The following SEMA4B variants were observed in gnomAD, a reference collection of about 807,000 sequenced individuals.
The protein encoded by SEMA4B is semaphorin 4B.
A neutral mutation model predicts 88.1 loss-of-function variants in SEMA4B; 55 were observed. The observed-to-expected ratio is 0.62, with a 90% CI of 0.50 to 0.78. The LOEUF (loss-of-function observed/expected upper bound fraction) is 0.78, where lower values mean the gene tolerates loss of function less well. Among genes scored for constraint, SEMA4B ranks in the 30% least tolerant of loss-of-function variants. The pLI is 0.00. For synonymous variants in SEMA4B, 525 were observed against 473.6 expected, an observed-to-expected ratio of 1.11 and a Z score of -1.41; for missense variants, 1,062 against 1,111.9, an observed-to-expected ratio of 0.96 and a Z score of 0.64.
intron 1 of SEMA4B, among the ~76,000 whole-genome samples, chr15:90,215,207 AGTGT>A (rs771618669): frequency 1.4e-5 from 2 of 141,590 alleles, no homozygotes; most frequent in South Asian, 2.2e-4. Flanking sequence ...CTGGTGGGTA[AGTGT>A]GTGTGTGTTT....
Position 90,224,004 on chromosome 15 carries a change from C to A in SEMA4B, c.1194+16C>A. 6.2e-7 allele frequency: 1 copy of A among 1,600,940 alleles called. No homozygotes were observed. Among genetic ancestry groups the A allele is most frequent in the Non-Finnish European group, 8.5e-7 (1 of 1,171,646 alleles). On this transcript the variant is annotated intron_variant, in intron 9 of 13. Transcript: ENST00000411539. Reference sequence around the variant, plus strand: ...GCCTGGAGCGGTGGGTACTGGCTCCCTGCACCCAGAAGGGGTGCCGGGAAG... The same window carrying A: ...GCCTGGAGCGGTGGGTACTGGCTCCATGCACCCAGAAGGGGTGCCGGGAAG...
chr15:90,188,136 T>C lies in SEMA4B; in HGVS notation c.-122+3055T>C, dbSNP rs191980300. On this transcript the variant is annotated intron_variant, in intron 1 of 14. Coordinates refer to the SEMA4B transcript ENST00000332496. ...GAGTTCGAGACCAGCCTGGGCAACA[T>C]GGTGAAACTCAGTCTCTACAAAAAA... Among the ~76,000 whole-genome samples, 249 of 151,050 alleles carry C rather than the reference T, an allele frequency of 1.6e-3. 1 individual carries two copies. Among genetic ancestry groups the C allele is most frequent in the Non-Finnish European group, 3.1e-3 (209 of 67,862 alleles).
At chr15:90,214,242 G>A (rs1165094262) in intron 1 of SEMA4B, among the ~76,000 whole-genome samples, 1 of 151,946 alleles carries the variant, frequency 6.6e-6, no homozygotes, top group Non-Finnish European at 1.5e-5. Flanking sequence ...TTCTTGGGAG[G>A]CTGAGGCAGG....
At chr15:90,225,529 T>C (rs955370002) in intron 11 of SEMA4B, 132 bp downstream of exon 11, 1 of 1,290,902 alleles carries the variant, frequency 7.7e-7, no homozygotes, top group Non-Finnish European at 1.1e-6. Flanking sequence ...TCATGAACTA[T>C]TAGAAAGTGG....
intron 1 of SEMA4B, among the ~76,000 whole-genome samples, chr15:90,185,637 C>T (rs1253717672): frequency 2.0e-5 from 3 of 152,144 alleles, no homozygotes; most frequent in African/African-American, 7.2e-5. Context: ...AAATCTCTGC[C>T]CACATTTCCT....
intron 1 of SEMA4B, among the ~76,000 whole-genome samples, chr15:90,208,495 A>G (rs1161628039): frequency 6.6e-6 from 1 of 152,104 alleles, no homozygotes; most frequent in East Asian, 1.9e-4. Context: ...TTGATTATTG[A>G]TGGTCACTGA....
chr15:90,226,180 T>C (rs1200259822), intron 12 of SEMA4B, among the ~76,000 whole-genome samples: 1 of 152,128 alleles, frequency 6.6e-6, no homozygotes, highest in Non-Finnish European at 1.5e-5. Flanking sequence ...AATAACCTAT[T>C]TGGATTATAA....
rs1173428621 is a variant in SEMA4B, at chr15:90,217,702, G to T, written c.322-65G>T. ...TCTGGGTCCAAGGATGATGCCTATG[G>T]GAGAGGAGGGAGGCTCAGCAAACCC... is the stretch of plus-strand genomic sequence containing the variant. On this transcript the variant is annotated intron_variant, in intron 2 of 13. Transcript: ENST00000411539. 3.1e-6 allele frequency: 5 copies of T among 1,602,138 alleles called. No individual in the cohort carries two copies. In the Admixed American group the frequency reaches 6.7e-5, roughly 21 times the overall value.
chr15:90,200,149 C>T (rs1596124776), upstream of SEMA4B, among the ~76,000 whole-genome samples: 1 of 152,284 alleles, frequency 6.6e-6, no homozygotes, highest in East Asian at 1.9e-4. Flanking sequence ...GGTGCTGTGC[C>T]CACCCTCTTG....
rs776318239 is a variant in SEMA4B at position 90,212,342 on chromosome 15, C to T, written c.158-5097C>T. 5.3e-5 allele frequency among the ~76,000 whole-genome samples: 8 copies of T among 152,108 alleles called. No homozygotes were observed. Among genetic ancestry groups the T allele is most frequent in the Non-Finnish European group, 1.0e-4 (7 of 68,018 alleles). On this transcript the variant is annotated intron_variant, in intron 1 of 13. Coordinates refer to ENST00000411539, the MANE Select transcript of SEMA4B (RefSeq NM_198925.4). The surrounding 1 kb of genome is among the most constrained non-coding windows in gnomAD (Gnocchi z 4.0). Reference sequence around the variant, plus strand: ...GGTGAAGCCCCTGGCTGAAGCCTGTCGGGGTGGAGGGAGAGGGTTCACCCT... The same window carrying T: ...GGTGAAGCCCCTGGCTGAAGCCTGTTGGGGTGGAGGGAGAGGGTTCACCCT...
intron 1 of SEMA4B, among the ~76,000 whole-genome samples, chr15:90,194,801 C>T (rs1277418587): frequency 1.3e-5 from 2 of 152,218 alleles, no homozygotes; most frequent in African/African-American, 4.8e-5. Context: ...TTGCCAGTCA[C>T]ATTCATGTTC....
At chr15:90,223,373 G>A (rs1408598880) in intron 7 of SEMA4B, among the ~76,000 whole-genome samples, 186 bp from the exon 8 acceptor site, 3 of 152,172 alleles carry the variant, frequency 2.0e-5, no homozygotes, top group African/African-American at 7.2e-5. Flanking sequence ...CTTAGTTACA[G>A]TAAGGACCAT....
Position 90,228,732 on chromosome 15 carries a change from C to G in SEMA4B, c.*89C>G. ...TGGACCTCCCCTCCGCTCTGCTCTTCGTGGAACACGACCGTGGTGCCCGGC... is the reference window on the plus strand; with the variant it reads ...TGGACCTCCCCTCCGCTCTGCTCTTGGTGGAACACGACCGTGGTGCCCGGC... On this transcript the variant is annotated 3_prime_UTR_variant, in exon 14 of 14. Transcript: ENST00000411539. 6.5e-7 allele frequency: 1 copy of G among 1,540,080 alleles called. No homozygotes were observed. The highest frequency in any genetic ancestry group is 8.8e-7 in the Non-Finnish European group (1 of 1,134,136).
chr15:90,210,948 A>G (rs965865824), intron 1 of SEMA4B, among the ~76,000 whole-genome samples: 1 of 152,196 alleles, frequency 6.6e-6, no homozygotes, highest in Admixed American at 6.5e-5. Flanking sequence ...TAGAATGGAC[A>G]TTGGAACAAA....
rs374033545 is a variant in SEMA4B, at chr15:90,225,080, G to A, written c.1307G>A (p.Arg436His). The change falls in exon 10 of 14, where the codon CGC becomes CAC. Residue 436 changes from arginine (R) to histidine (H), a missense_variant. Physicochemically the swap from Arg to His is conservative, Grantham distance 29 (BLOSUM62 0). Transcript: ENST00000411539. ...HFLMDGQVRSRMLLLQPQARY... is the reference protein window; with the variant it reads ...HFLMDGQVRSHMLLLQPQARY... ...CTGATGGACGGGCAGGTCCGAAGCC[G>A]CATGCTGCTGCTGCAGCCCCAGGCT... The A allele has an allele frequency of 4.4e-5, 71 of 1,613,830 alleles. No homozygotes were observed. The South Asian group carries it at 4.7e-4, about 11-fold the overall frequency.
chr15:90,223,978 G>A lies in SEMA4B; in HGVS notation c.1184G>A (p.Arg395Gln), dbSNP rs780939217. Residue 395 changes from arginine (R) to glutamine (Q), a missense_variant, in exon 9 of 14, where the codon CGG (arginine) becomes CAG (glutamine). Arg to Gln is a conservative substitution (Grantham distance 43, BLOSUM62 1). Transcript: ENST00000411539. ...GTGACCCACCCGGTGCCCACACCCC[G>A]GCCTGGAGCGGTGGGTACTGGCTCC... The part of the protein sequence containing the change: ...YTVTHPVPTP[R>Q]PGACITNSAR... 8.6e-5 allele frequency: 138 copies of A among 1,612,594 alleles called. No homozygotes were observed. Among genetic ancestry groups the A allele is most frequent in the Non-Finnish European group, 1.1e-4 (128 of 1,179,642 alleles).
At chr15:90,204,476 C>T (rs745952238) in intron 1 of SEMA4B, among the ~76,000 whole-genome samples, 10 of 152,250 alleles carry the variant, frequency 6.6e-5, no homozygotes, top group Non-Finnish European at 1.2e-4. Context: ...TTTGTGGCCT[C>T]GCCCAGTGGC....
Position 90,228,431 on chromosome 15 carries a change from G to A in SEMA4B, c.2302G>A (p.Glu768Lys), listed in dbSNP as rs747552913. 95 of 1,608,630 alleles carry A rather than the reference G, an allele frequency of 5.9e-5. No homozygotes were observed. The highest frequency in any genetic ancestry group is 6.9e-5 in the Non-Finnish European group (81 of 1,177,466). Residue 768 changes from glutamate to lysine, a missense_variant, in exon 14 of 14, where the codon GAG becomes AAG. Physicochemically the swap from Glu to Lys is moderately conservative, Grantham distance 56. Coordinates refer to ENST00000411539, the MANE Select transcript of SEMA4B (RefSeq NM_198925.4). ...PKTCPVVLPP[E>K]TRPLNGLGPP... is the part of the protein sequence containing the mutation. ...GACCTGCCCTGTGGTGCTGCCCCCT[G>A]AGACCCGCCCACTCAACGGCCTAGG... is the stretch of plus-strand genomic sequence containing the variant.
chr15:90,186,377 TG>T (rs1166843523), intron 1 of SEMA4B, among the ~76,000 whole-genome samples: 1 of 151,762 alleles, frequency 6.6e-6, no homozygotes, highest in African/African-American at 2.4e-5. Context: ...CCCAGCACTT[TG>T]GGAGGTCGAG....
Sources: allele counts gnomAD v4.1 joint callset (sites outside exome capture counted in the v4.1 genomes callset), GRCh38; gene constraint gnomAD v4.1.1; non-coding constraint Gnocchi (gnomAD v3.1); transcripts MANE v1.5; gene names NCBI Gene and HGNC (gene_info 2026-07-23, HGNC 2026-07-21).